The following HDAC4 variants were observed in gnomAD, a reference collection of about 807,000 sequenced individuals.
The protein encoded by HDAC4 is histone deacetylase A.
HDAC4 carries 16 observed loss-of-function variants against 135.1 expected under a neutral mutation model. That is an observed-to-expected ratio of 0.12 (90% CI 0.08 to 0.18). HDAC4 has a LOEUF of 0.18. Among genes scored for constraint, HDAC4 ranks in the 10% least tolerant of loss-of-function variants. The pLI, the probability that HDAC4 is intolerant of heterozygous loss-of-function variation, is 1.00. For missense variants in HDAC4, 1,143 were observed against 1,511.8 expected (o/e 0.76, Z 4.05); for synonymous variants, 685 against 653.4 (o/e 1.05, Z -0.74).
At chr2:239,070,795 A>T (rs775592745) in intron 22 of HDAC4, among the ~76,000 whole-genome samples, 2 of 152,240 alleles carry the variant, frequency 1.3e-5, no homozygotes, top group Non-Finnish European at 2.9e-5. Context: ...ATTAAAAGAT[A>T]AAAAATATAA....
rs113926583 is a variant in HDAC4 at position 239,088,350 on chromosome 2, G to A, written c.2389-736C>T. Among the ~76,000 whole-genome samples, 965 of 152,358 alleles carry A rather than the reference G, an allele frequency of 6.3e-3. 14 individuals are homozygous for A. Among genetic ancestry groups the A allele is most frequent in the African/African-American group, 0.022 (911 of 41,572 alleles). On this transcript the variant is annotated intron_variant, in intron 18 of 26. Coordinates refer to ENST00000543185, the MANE Select transcript of HDAC4 (RefSeq NM_001378414.1). The stretch of plus-strand genomic sequence containing the variant: ...AACCATGAGTGACAATGCCATGGAC[G>A]GGGTGAGCCGGACGCCGCAGGGACC...
intron 1 of HDAC4, among the ~76,000 whole-genome samples, chr2:239,377,731 G>A (rs963263796): frequency 1.7e-4 from 26 of 152,174 alleles, no homozygotes; most frequent in Non-Finnish European, 8.8e-5. Context: ...GAGACCCAAC[G>A]TGGTGAAAAG....
intron 2 of HDAC4, among the ~76,000 whole-genome samples, chr2:239,239,529 TAAG>T (rs2048062701): frequency 6.6e-6 from 1 of 152,080 alleles, no homozygotes; most frequent in Non-Finnish European, 1.5e-5. Flanking sequence ...CAGAAGCACA[TAAG>T]AAGCTCCTCC....
chr2:239,391,072 G>A (rs543441567), intron 1 of HDAC4, among the ~76,000 whole-genome samples: 5 of 152,302 alleles, frequency 3.3e-5, no homozygotes, highest in African/African-American at 7.2e-5. Flanking sequence ...CAGGGGCCTC[G>A]GCTCGGCCTC....
At chr2:239,254,331 G>A (rs900983001) in intron 2 of HDAC4, among the ~76,000 whole-genome samples, 3 of 152,038 alleles carry the variant, frequency 2.0e-5, no homozygotes, top group South Asian at 2.1e-4. Context: ...CCACCATGTG[G>A]GAATCGGCAA....
At chr2:239,124,814 G>A (rs79365259) in intron 12 of HDAC4, among the ~76,000 whole-genome samples, 402 of 14,170 alleles carry the variant, frequency 0.028, no homozygotes, top group African/African-American at 0.048. Context: ...TCCACGTTAT[G>A]TGACATTCCG....
chr2:239,102,884 G>A lies in HDAC4; in HGVS notation c.2125C>T (p.Arg709Cys), dbSNP rs748985350. 1.1e-5 allele frequency: 17 copies of A among 1,613,752 alleles called. No homozygotes were observed. Among genetic ancestry groups the A allele is most frequent in the Admixed American group, 1.0e-4 (6 of 60,004 alleles). Residue 709 changes from arginine (R) to cysteine (C), a missense_variant, in exon 16 of 27, where the codon CGC becomes TGC. Arg to Cys is a radical substitution (Grantham distance 180). Coordinates refer to ENST00000543185, the MANE Select transcript of HDAC4 (RefSeq NM_001378414.1). ...LRGKCECIRG[R>C]KATLEELQTV... is the part of the protein sequence containing the mutation. ...TGTAGCTCCTCCAGGGTGGCCTTGCGTCCGCGGATGCACTGTGGGGACAGG... is the reference window on the plus strand; with the variant it reads ...TGTAGCTCCTCCAGGGTGGCCTTGCATCCGCGGATGCACTGTGGGGACAGG...
intron 9 of HDAC4, among the ~76,000 whole-genome samples, chr2:239,137,018 C>T (rs2041008714): frequency 6.7e-6 from 1 of 149,768 alleles, no homozygotes; most frequent in Admixed American, 6.6e-5. Context: ...GTAAGTTATG[C>T]TGTAGAGGAA....
intron 12 of HDAC4, among the ~76,000 whole-genome samples, chr2:239,125,346 T>C (rs4852022): frequency 0.87 from 131,811 of 152,216 alleles, 57,334 homozygotes; most frequent in African/African-American, 0.93. Context: ...CCAAGTGATG[T>C]GCCCGCTCCC....
chr2:239,350,793 C>T (rs959352857), intron 2 of HDAC4, among the ~76,000 whole-genome samples: 6 of 152,152 alleles, frequency 3.9e-5, no homozygotes, highest in African/African-American at 9.7e-5. Flanking sequence ...TGGGCCTCTG[C>T]GCCCGGCCGA....
At position 239,240,330 on chromosome 2, in the gene HDAC4, G is replaced by A. The variant is rs79867326; in HGVS notation, c.23-3666C>T. On this transcript the variant is annotated intron_variant, in intron 2 of 26. Transcript: ENST00000543185. The surrounding 1 kb of genome is among the most constrained non-coding windows in gnomAD (Gnocchi z 4.5). ...CCAGCTGGAACGCATGACGGCATCC[G>A]TGAATGTGCACAGAATAGATTCTTA... 9.0e-3 allele frequency among the ~76,000 whole-genome samples: 1,366 copies of A among 152,360 alleles called. 22 individuals are homozygous for A. The highest frequency in any genetic ancestry group is 0.073 in the East Asian group (380 of 5,186).
chr2:239,174,151 C>T (rs2043612138), intron 5 of HDAC4, among the ~76,000 whole-genome samples: 1 of 152,062 alleles, frequency 6.6e-6, no homozygotes, highest in Non-Finnish European at 1.5e-5. Context: ...TCTTAAGGCA[C>T]AAAATCATCT....
rs2043230381 is a variant in HDAC4, at chr2:239,168,228, C to A, written c.491-4305G>T. The stretch of plus-strand genomic sequence containing the variant: ...ACTTGCTCAGTGACCTCCCTCCATT[C>A]CCTGCAGGGCTGCGCGTGTGGACCG... On this transcript the variant is annotated intron_variant, in intron 5 of 26. Transcript: ENST00000543185. 2.0e-5 allele frequency among the ~76,000 whole-genome samples: 3 copies of A among 152,224 alleles called. No individual in the cohort carries two copies. In the South Asian group the frequency reaches 6.2e-4, roughly 31 times the overall value.
At position 239,168,991 on chromosome 2, in the gene HDAC4, T is replaced by A. The variant is rs200679614; in HGVS notation, c.491-5068A>T. ...CGCTTCGGATGCAGCGCAGGGATTG[T>A]TTTGGGCTGGTAAACGGATCCAAAA... On this transcript the variant is annotated intron_variant, in intron 5 of 26. Coordinates refer to ENST00000543185, the MANE Select transcript of HDAC4 (RefSeq NM_001378414.1). 5.3e-5 allele frequency among the ~76,000 whole-genome samples: 8 copies of A among 152,326 alleles called. No homozygotes were observed. The East Asian group carries it at 1.5e-3, about 29-fold the overall frequency.
intron 2 of HDAC4, among the ~76,000 whole-genome samples, chr2:239,260,024 C>T (rs913399845): frequency 4.6e-5 from 7 of 152,222 alleles, no homozygotes; most frequent in Non-Finnish European, 5.9e-5. Context: ...CAGATGACAC[C>T]GCTCCCTTGC....
In HDAC4 at chr2:239,089,401, C is replaced by T. The variant is rs981286071; in HGVS notation, c.2388+608G>A. 2.6e-5 allele frequency among the ~76,000 whole-genome samples: 4 copies of T among 152,274 alleles called. No homozygotes were observed. The South Asian group carries it at 6.2e-4, about 24-fold the overall frequency. On this transcript the variant is annotated intron_variant, in intron 18 of 26. Transcript: ENST00000543185. ...TGGAGTGCAATGGCGTGACTCGGCT[C>T]GCCGCAACCTCCACCTCCCAGGTTC...
At chr2:239,384,752 C>A (rs941995588) in intron 1 of HDAC4, among the ~76,000 whole-genome samples, 1 of 152,342 alleles carries the variant, frequency 6.6e-6, no homozygotes, top group East Asian at 1.9e-4. Flanking sequence ...TACCCCACGG[C>A]TCTGTCCCCT....
intron 3 of HDAC4, among the ~76,000 whole-genome samples, chr2:239,229,796 C>T (rs894234795): frequency 6.6e-6 from 1 of 152,118 alleles, no homozygotes; most frequent in Non-Finnish European, 1.5e-5. Flanking sequence ...ATGAGGCCTC[C>T]AGGAAGCAGG....
intron 2 of HDAC4, among the ~76,000 whole-genome samples, chr2:239,323,536 G>A (rs940180779): frequency 4.6e-5 from 7 of 152,134 alleles, no homozygotes; most frequent in Admixed American, 6.5e-5. Flanking sequence ...GCAGATCCTC[G>A]GAGAGCCTGT....
Sources: gnomAD v4.1 joint callset for allele counts (sites outside exome capture counted in the v4.1 genomes callset) on GRCh38, gnomAD v4.1.1 for gene constraint, Gnocchi (gnomAD v3.1) non-coding constraint, MANE v1.5 for transcripts, NCBI Gene and HGNC (gene_info 2026-07-23, HGNC 2026-07-21) for gene names.